Variants in MLF1 observed in about 807,000 individuals in gnomAD.
The protein encoded by MLF1 is myelodysplasia-myeloid leukemia factor 1.
In MLF1, 37 loss-of-function variants were observed where a neutral mutation model predicts 38.3. The observed-to-expected ratio is 0.96, with a 90% CI of 0.74 to 1.27. MLF1 has a LOEUF of 1.27. Ranked by LOEUF, MLF1 falls within the 50% of genes most tolerant of loss-of-function variation. The pLI, the probability that MLF1 is intolerant of heterozygous loss-of-function variation, is 0.00. For synonymous variants in MLF1, 95 were observed against 106.5 expected (o/e 0.89, Z 0.66); for missense variants, 331 against 349.2 (o/e 0.95, Z 0.42).
intron 6 of MLF1, among the ~76,000 whole-genome samples, chr3:158,601,634 G>A (rs1719769230): frequency 6.6e-6 from 1 of 151,508 alleles, no homozygotes; most frequent in African/African-American, 2.4e-5. Context: ...GCCCGCGCCT[G>A]TAATCCCAGC....
At chr3:158,571,488 T>C in intron 1 of MLF1, 141 bp downstream of exon 1, 1 of 974,930 alleles carries the variant, frequency 1.0e-6, no homozygotes, top group Non-Finnish European at 1.6e-6. Context: ...AGACGAGGAT[T>C]TGGAGGCCTG....
intron 1 of MLF1, among the ~76,000 whole-genome samples, chr3:158,579,068 A>T (rs961197619): frequency 2.0e-5 from 3 of 152,166 alleles, no homozygotes; most frequent in African/African-American, 4.8e-5. Flanking sequence ...AATCTTTAAC[A>T]ACATTTTCAA....
chr3:158,583,200 C>T (rs1349809774), intron 1 of MLF1, among the ~76,000 whole-genome samples: 2 of 152,152 alleles, frequency 1.3e-5, no homozygotes, highest in Non-Finnish European at 2.9e-5. Context: ...TTTGCAGTCA[C>T]TCCACTCTTC....
At chr3:158,602,699 G>C in intron 6 of MLF1, 108 bp from the exon 7 acceptor site, 1 of 1,051,598 alleles carries the variant, frequency 9.5e-7, no homozygotes, top group Non-Finnish European at 1.4e-6. Flanking sequence ...TCTGTATTGA[G>C]GTTACACTAA....
At chr3:158,599,879 C>A in intron 5 of MLF1, 135 bp from the exon 6 acceptor site, 1 of 332,958 alleles carries the variant, frequency 3.0e-6, no homozygotes, top group South Asian at 1.5e-4. Flanking sequence ...AGTTTTACCA[C>A]AAGTTAATAG....
intron 3 of MLF1, 134 bp from the exon 4 acceptor site, chr3:158,596,728 C>G (rs1238064461): frequency 1.9e-6 from 1 of 539,132 alleles, no homozygotes; most frequent in African/African-American, 1.9e-5. Context: ...TCTAAGTTAT[C>G]TTTGTCTGGT....
At chr3:158,592,617 C>T (rs372781975) in intron 2 of MLF1, 36 bp downstream of exon 2, 4 of 1,534,718 alleles carry the variant, frequency 2.6e-6, no homozygotes, top group Non-Finnish European at 3.5e-6. Context: ...AGTGAGAAGG[C>T]CCTGTAGGAA....
chr3:158,573,696 C>T (rs1156842022), intron 1 of MLF1, among the ~76,000 whole-genome samples: 2 of 151,896 alleles, frequency 1.3e-5, no homozygotes, highest in Admixed American at 6.6e-5. Flanking sequence ...TATTTTGATC[C>T]CTTAAATTTT....
chr3:158,600,432 A>AGT (rs1469335461), intron 6 of MLF1, among the ~76,000 whole-genome samples: 1 of 98,164 alleles, frequency 1.0e-5, no homozygotes, highest in Admixed American at 9.5e-5. Context: ...GTTATTTAGT[A>AGT]ATATCATTAG....
chr3:158,602,667 A>G lies in MLF1; in HGVS notation c.614-140A>G, dbSNP rs1719967627. 2.9e-5 allele frequency: 19 copies of G among 655,612 alleles called. No individual in the cohort carries two copies. In the East Asian group the frequency reaches 5.2e-4, roughly 18 times the overall value. The allele number at this position is 655,612 out of a possible 1,614,324, so 40.6% of individuals were successfully genotyped here. A position where few individuals can be genotyped will look rare whatever the true frequency, so the allele number is the denominator to read the frequency against. On this transcript the variant is annotated intron_variant, in intron 6 of 7. Coordinates refer to ENST00000466246, the MANE Select transcript of MLF1 (RefSeq NM_001369783.1). ...AATACTACTTTTGTCAAAGACCCTT[A>G]TATTTGAAGCAGCTTCCTGCCTCTG...
intron 4 of MLF1, 47 bp downstream of exon 4, chr3:158,596,992 A>G (rs1382356849): frequency 3.2e-6 from 4 of 1,255,000 alleles, no homozygotes; most frequent in African/African-American, 1.5e-5. Flanking sequence ...ATACTTTGAT[A>G]TATTCTATTT....
intron 1 of MLF1, among the ~76,000 whole-genome samples, chr3:158,578,739 A>C (rs1249682643): frequency 6.6e-6 from 1 of 152,154 alleles, no homozygotes; most frequent in Non-Finnish European, 1.5e-5. Context: ...CTAAGAGAGG[A>C]GGTATATAGT....
chr3:158,582,357 G>C (rs924095542), intron 1 of MLF1, among the ~76,000 whole-genome samples: 1 of 151,932 alleles, frequency 6.6e-6, no homozygotes, highest in African/African-American at 2.4e-5. Context: ...GGCAAGAACT[G>C]TAGGGCAACT....
rs770003689 is a variant in MLF1, at chr3:158,593,379, C to T, written c.196-3C>T. 9.7e-6 allele frequency: 15 copies of T among 1,546,512 alleles called. No individual in the cohort carries two copies. Among genetic ancestry groups the T allele is most frequent in the Non-Finnish European group, 2.6e-6 (3 of 1,151,846 alleles). ...TCAAATGAATTGGATATTATTTTTC[C>T]AGGCAACGAGTTGTTCTCTTGTGCC... is the stretch of plus-strand genomic sequence containing the variant. On this transcript the variant is annotated splice_region_variant and splice_polypyrimidine_tract_variant and intron_variant, in intron 2 of 7. Transcript: ENST00000466246.
chr3:158,591,404 C>T (rs184429212), intron 1 of MLF1, among the ~76,000 whole-genome samples: 2 of 152,184 alleles, frequency 1.3e-5, no homozygotes, highest in East Asian at 3.9e-4. Flanking sequence ...AAGCAATCCA[C>T]CTGACTCAGC....
chr3:158,580,821 G>A (rs1429115929), intron 1 of MLF1, among the ~76,000 whole-genome samples: 1 of 150,308 alleles, frequency 6.7e-6, no homozygotes, highest in Non-Finnish European at 1.5e-5. Context: ...AGGCATGGTA[G>A]TGCACGCCTA....
In MLF1 at chr3:158,602,794, C is replaced by T; in HGVS notation, c.614-13C>T. ...CTTAATACTTATTCCCATTATTTTT[C>T]TGTTTGACATAGGTGATGCTCATGC... On this transcript the variant is annotated splice_polypyrimidine_tract_variant and intron_variant, in intron 6 of 7. Transcript: ENST00000466246. The T allele has an allele frequency of 6.2e-7, 1 of 1,610,770 alleles. No individual in the cohort carries two copies. Among genetic ancestry groups the T allele is most frequent in the Non-Finnish European group, 8.5e-7 (1 of 1,178,806 alleles).
At chr3:158,588,941 A>G (rs1446202534) in intron 1 of MLF1, 7 of 454,506 alleles carry the variant, frequency 1.5e-5, no homozygotes, top group East Asian at 7.0e-5. Context: ...CCCATGTACT[A>G]AAATACTTGG....
intron 6 of MLF1, 53 bp from the exon 7 acceptor site, chr3:158,602,754 A>G: frequency 6.4e-7 from 1 of 1,568,320 alleles, no homozygotes; most frequent in Non-Finnish European, 8.7e-7. Context: ...CAAGGCAGTT[A>G]CTGACAGTTG....
Sources: allele counts gnomAD v4.1 joint callset (sites outside exome capture counted in the v4.1 genomes callset), GRCh38; gene constraint gnomAD v4.1.1; transcripts MANE v1.5; gene names NCBI Gene and HGNC (gene_info 2026-07-23, HGNC 2026-07-21).